Variants in EP400 observed in about 807,000 individuals in gnomAD.
EP400 encodes the protein E1A-binding protein p400.
A neutral mutation model predicts 354.1 loss-of-function variants in EP400; 105 were observed. The ratio of observed to expected loss-of-function variants is 0.30; its 90% CI spans 0.25 to 0.35. The LOEUF (loss-of-function observed/expected upper bound fraction) is 0.35, where lower values mean the gene tolerates loss of function less well. EP400 is among the 10% of genes least tolerant of loss of function. The pLI, the probability that EP400 is intolerant of heterozygous loss-of-function variation, is 1.00. For missense variants in EP400, 3,280 were observed against 4,121.0 expected (o/e 0.80, Z 5.59); for synonymous variants, 1,646 against 1,716.9 (o/e 0.96, Z 1.02).
intron 39 of EP400, 108 bp downstream of exon 39, chr12:132,046,008 C>A: frequency 7.2e-7 from 1 of 1,386,340 alleles, no homozygotes; most frequent in Non-Finnish European, 9.9e-7. Context: ...CTCCTTCATC[C>A]CTGTGGGTCT....
Position 132,021,230 on chromosome 12 carries a change from GC to G in EP400, c.4603del (p.Gln1535SerfsTer33). The G allele has an allele frequency of 6.4e-7, 1 of 1,562,826 alleles. No homozygotes were observed. The part of the protein sequence containing the change: ...AQASTPGQPP[P>X]QPQAPSHAAG... ...AGGCCTCCACCCCAGGCCAGCCCCC[GC>G]CCCAGCCCCAGGCCCCCTCGCACGC... On this transcript the variant is annotated frameshift_variant, in exon 23 of 53. Coordinates refer to ENST00000389561, the MANE Select transcript of EP400 (RefSeq NM_015409.5). LOFTEE classifies it high-confidence loss of function.
intron 1 of EP400, among the ~76,000 whole-genome samples, chr12:131,960,022 G>A (rs561282553): frequency 9.2e-5 from 14 of 152,338 alleles, no homozygotes; most frequent in African/African-American, 3.1e-4. Flanking sequence ...TGGCGAGGTG[G>A]TGCTGCACAC....
At chr12:132,031,350 A>T in intron 29 of EP400, 1 of 519,144 alleles carries the variant, frequency 1.9e-6, no homozygotes, top group Non-Finnish European at 3.8e-6. Flanking sequence ...CTACAAGTTG[A>T]GCTGACAGTA....
chr12:132,030,000 G>A lies in EP400; in HGVS notation c.5596G>A (p.Ala1866Thr). ...GATTCGTTTCCCAGGGAAGTTGGAA[G>A]CTTTAGCTATCTTGCTTCAGAAATT... ...LVQFDSGKLEALAILLQKLKS... is the reference protein window; with the variant it reads ...LVQFDSGKLETLAILLQKLKS... The change falls in exon 29 of 53, where the codon GCT becomes ACT. Residue 1866 changes from alanine (A) to threonine (T), a missense_variant. Ala to Thr is a moderately conservative substitution (Grantham distance 58, BLOSUM62 0). This residue lies in a region of EP400 where 459 missense variants were observed against 496.9 expected (regional missense o/e 0.92). Transcript: ENST00000389561. The surrounding 1 kb of genome is among the most constrained non-coding windows in gnomAD (Gnocchi z 4.7). 2 of 1,614,164 alleles carry A rather than the reference G, an allele frequency of 1.2e-6. No homozygotes were observed. The highest frequency in any genetic ancestry group is 1.7e-6 in the Non-Finnish European group (2 of 1,180,050).
rs1461907233 is a variant in EP400 at position 132,038,364 on chromosome 12, A to G, written c.6207+268A>G. On this transcript the variant is annotated intron_variant, in intron 32 of 52. Transcript: ENST00000389561. The surrounding 1 kb of genome is among the most constrained non-coding windows in gnomAD (Gnocchi z 4.2). ...CTGCCGTCTTCATCTGCACTTTGCC[A>G]CAGTCTCAGCTCCTTCCCCTCCCCA... Among the ~76,000 whole-genome samples, 1 of 152,190 alleles carries G rather than the reference A, an allele frequency of 6.6e-6. No homozygotes were observed. The highest frequency in any genetic ancestry group is 6.5e-5 in the Admixed American group (1 of 15,284).
chr12:132,002,794 C>T (rs1018971426), intron 12 of EP400, among the ~76,000 whole-genome samples: 1 of 152,220 alleles, frequency 6.6e-6, no homozygotes, highest in East Asian at 1.9e-4. Context: ...CAGGAGTGAA[C>T]ACCAGGAGGT....
chr12:132,076,559 C>G lies in EP400; in HGVS notation c.9065C>G (p.Ala3022Gly). The G allele has an allele frequency of 1.9e-6, 3 of 1,613,158 alleles. No individual in the cohort carries two copies. The highest frequency in any genetic ancestry group is 2.5e-6 in the Non-Finnish European group (3 of 1,179,168). ...PQVVQQQTPV[A>G]SIQQVASASQ... ...GTTGTTCAACAGCAAACACCCGTGG[C>G]CAGCATCCAGCAAGTTGCCTCTGCT... The change falls in exon 52 of 53, where the codon GCC becomes GGC. Residue 3022 changes from alanine to glycine, a missense_variant. Coordinates refer to ENST00000389561, the MANE Select transcript of EP400 (RefSeq NM_015409.5).
chr12:132,076,151 G>T, intron 51 of EP400: 1 of 374,770 alleles, frequency 2.7e-6, no homozygotes, highest in South Asian at 2.1e-5. Flanking sequence ...ACGTCGTCCA[G>T]GCCTGTCATA....
chr12:132,063,966 C>T (rs930877963), intron 47 of EP400, among the ~76,000 whole-genome samples: 5 of 150,996 alleles, frequency 3.3e-5, no homozygotes, highest in African/African-American at 7.3e-5. Flanking sequence ...GGGCTTTGAC[C>T]CCCCCGGCCC....
intron 5 of EP400, among the ~76,000 whole-genome samples, chr12:131,983,038 C>G (rs1163045155): frequency 1.3e-5 from 2 of 152,006 alleles, no homozygotes; most frequent in Non-Finnish European, 1.5e-5. Context: ...ACCAGGGGTC[C>G]CTCCTTACTC....
At chr12:131,952,098 T>C (rs1025859296) in intron 1 of EP400, among the ~76,000 whole-genome samples, 1 of 151,660 alleles carries the variant, frequency 6.6e-6, no homozygotes, top group African/African-American at 2.4e-5. Context: ...TTTTTTTTTG[T>C]ATTTTTAGTA....
rs540609651 is a variant in EP400, at chr12:132,076,554, C to T, written c.9060C>T (p.Pro3020=). ...KLPQVVQQQT[P]VASIQQVASA... ...CTCAAGTTGTTCAACAGCAAACACCCGTGGCCAGCATCCAGCAAGTTGCCT... is the reference window on the plus strand; with the variant it reads ...CTCAAGTTGTTCAACAGCAAACACCTGTGGCCAGCATCCAGCAAGTTGCCT... Residue 3020 remains proline (P), a synonymous_variant, in exon 52 of 53, where the codon CCC becomes CCT. Transcript: ENST00000389561. 5 of 1,613,750 alleles carry T rather than the reference C, an allele frequency of 3.1e-6. No individual in the cohort carries two copies. Among genetic ancestry groups the T allele is most frequent in the Non-Finnish European group, 8.5e-7 (1 of 1,179,696 alleles).
intron 30 of EP400, among the ~76,000 whole-genome samples, chr12:132,033,929 A>C (rs559312266): frequency 6.6e-6 from 1 of 152,312 alleles, no homozygotes; most frequent in East Asian, 1.9e-4. Flanking sequence ...AATGCATTAC[A>C]TGTTCCTCGA....
At chr12:131,966,903 CAAAAAAAAA>C (rs1179689543) in intron 2 of EP400, among the ~76,000 whole-genome samples, 2 of 57,836 alleles carry the variant, frequency 3.5e-5, no homozygotes, top group East Asian at 5.6e-4. Context: ...AGACTTGTCT[CAAAAAAAAA>C]AAAAAAAAAA....
chr12:132,032,655 G>C (rs930718322), intron 30 of EP400, among the ~76,000 whole-genome samples: 1 of 149,418 alleles, frequency 6.7e-6, no homozygotes, highest in Non-Finnish European at 1.5e-5. Context: ...TTTTGAGATG[G>C]AGTCTTACTC....
In EP400 at chr12:132,057,045, G is replaced by T. The variant is rs191866791; in HGVS notation, c.7884+1837G>T. Among the ~76,000 whole-genome samples, 551 of 152,326 alleles carry T rather than the reference G, an allele frequency of 3.6e-3. 3 individuals are homozygous for T. Among genetic ancestry groups the T allele is most frequent in the African/African-American group, 0.012 (517 of 41,564 alleles). On this transcript the variant is annotated intron_variant, in intron 45 of 52. Transcript: ENST00000389561. ...AAACAGAAGGCTGGCAGTCATGGAAGCAGCGAGGACCCTCTCACAAGGTTG... is the reference window on the plus strand; with the variant it reads ...AAACAGAAGGCTGGCAGTCATGGAATCAGCGAGGACCCTCTCACAAGGTTG...
chr12:132,006,603 A>C, intron 14 of EP400, 97 bp from the exon 15 acceptor site: 1 of 1,246,822 alleles, frequency 8.0e-7, no homozygotes, highest in Non-Finnish European at 1.1e-6. Flanking sequence ...GTGGCTTTCT[A>C]ATTGGTTTAT....
At chr12:131,991,547 T>A in intron 10 of EP400, 91 bp downstream of exon 10, 1 of 1,198,908 alleles carries the variant, frequency 8.3e-7, no homozygotes, top group Non-Finnish European at 1.2e-6. Context: ...GAGGAATTTG[T>A]AGGCTGTGAC....
Position 132,029,965 on chromosome 12 carries a change from C to T in EP400, c.5585-24C>T, listed in dbSNP as rs755455469. The T allele has an allele frequency of 6.2e-6, 10 of 1,613,276 alleles. No homozygotes were observed. In the Admixed American group the frequency reaches 1.0e-4, roughly 16 times the overall value. On this transcript the variant is annotated intron_variant, in intron 28 of 52. Transcript: ENST00000389561. The surrounding 1 kb of genome is among the most constrained non-coding windows in gnomAD (Gnocchi z 4.7). ...TGCACCGGCCCTGGATGATGAGGCG[C>T]TCTTGATGTGATTCGTTTCCCAGGG...
Sources: gnomAD v4.1 joint callset for allele counts (sites outside exome capture counted in the v4.1 genomes callset) on GRCh38, gnomAD v4.1.1 for gene constraint, gnomAD v4.1.1 regional missense constraint, Gnocchi (gnomAD v3.1) non-coding constraint, MANE v1.5 for transcripts, NCBI Gene and HGNC (gene_info 2026-07-23, HGNC 2026-07-21) for gene names.